The following DENND1A variants were observed in gnomAD, a reference collection of about 807,000 sequenced individuals.
DENND1A encodes the protein DENN domain containing 1A, also known as DENN domain-containing protein 1A.
Under a neutral mutation model 113.7 loss-of-function variants are expected in DENND1A, and 51 were observed. That is an observed-to-expected ratio of 0.45 (90% CI 0.36 to 0.57). DENND1A has a LOEUF of 0.57. Ranked by LOEUF, DENND1A falls within the 20% of genes least tolerant of loss-of-function variation. DENND1A has a pLI of 0.00. For missense variants in DENND1A, 1,258 were observed against 1,395.9 expected (o/e 0.90, Z 1.57); for synonymous variants, 565 against 570.8 (o/e 0.99, Z 0.14).
chr9:123,450,675 A>G lies in DENND1A; in HGVS notation c.1356+18T>C. Reference sequence around the variant, plus strand: ...TCATACATGGTGCTTATACATTTTGAATAAGAACTTCAAGTACCTTTTGCT... The same window carrying G: ...TCATACATGGTGCTTATACATTTTGGATAAGAACTTCAAGTACCTTTTGCT... On this transcript the variant is annotated intron_variant, in intron 18 of 23. Coordinates refer to ENST00000394215, the MANE Select transcript of DENND1A (RefSeq NM_001352964.2). 6.2e-7 allele frequency: 1 copy of G among 1,606,606 alleles called. No individual in the cohort carries two copies. The highest frequency in any genetic ancestry group is 8.5e-7 in the Non-Finnish European group (1 of 1,176,310).
At chr9:123,495,947 C>T (rs1219121611) in intron 13 of DENND1A, among the ~76,000 whole-genome samples, 2 of 152,232 alleles carry the variant, frequency 1.3e-5, no homozygotes, top group African/African-American at 2.4e-5. Flanking sequence ...TAATGAAATG[C>T]AATCCACTCA....
intron 1 of DENND1A, among the ~76,000 whole-genome samples, chr9:123,901,622 A>G (rs960982873): frequency 2.6e-5 from 4 of 152,132 alleles, no homozygotes; most frequent in African/African-American, 9.7e-5. Context: ...CTTTCTCTCA[A>G]TCACCCAGGC....
chr9:123,720,064 T>A (rs1204166168), intron 5 of DENND1A, among the ~76,000 whole-genome samples: 1 of 152,186 alleles, frequency 6.6e-6, no homozygotes, highest in Non-Finnish European at 1.5e-5. Context: ...TGATTTAATT[T>A]CCATACTGAA....
chr9:123,461,255 A>G (rs1251689418), intron 13 of DENND1A, among the ~76,000 whole-genome samples: 1 of 152,104 alleles, frequency 6.6e-6, no homozygotes, highest in Admixed American at 6.5e-5. Flanking sequence ...GGGTGCTGGG[A>G]TAGTCTTCAC....
chr9:123,422,015 C>T lies in DENND1A; in HGVS notation c.1489-10186G>A, dbSNP rs1485311824. ...CACCCACCTGATGGATCCCTGCATC[C>T]CTCACGACTCTGTTCCCTTCCCCCA... On this transcript the variant is annotated intron_variant, in intron 19 of 23. Coordinates refer to ENST00000394215, the MANE Select transcript of DENND1A (RefSeq NM_001352964.2). The surrounding 1 kb of genome is among the most constrained non-coding windows in gnomAD (Gnocchi z 4.8). 6.6e-6 allele frequency among the ~76,000 whole-genome samples: 1 copy of T among 152,172 alleles called. No individual in the cohort carries two copies. The highest frequency in any genetic ancestry group is 2.4e-5 in the African/African-American group (1 of 41,438).
At chr9:123,602,303 T>C (rs772686087) in intron 11 of DENND1A, among the ~76,000 whole-genome samples, 2 of 152,242 alleles carry the variant, frequency 1.3e-5, no homozygotes, top group Non-Finnish European at 2.9e-5. Context: ...TATACAACAA[T>C]TATACAAATA....
At chr9:123,676,861 G>A in intron 5 of DENND1A, 72 bp from the exon 6 acceptor site, 1 of 1,392,724 alleles carries the variant, frequency 7.2e-7, no homozygotes, top group Non-Finnish European at 1.0e-6. Context: ...TCTAATTCAA[G>A]ACTGATACAT....
intron 13 of DENND1A, among the ~76,000 whole-genome samples, chr9:123,508,530 A>C (rs2053167553): frequency 6.6e-6 from 1 of 152,210 alleles, no homozygotes; most frequent in Admixed American, 6.5e-5. Flanking sequence ...ATTTTCTTGT[A>C]ATTGTGCCAT....
chr9:123,622,944 G>A (rs937352998), intron 10 of DENND1A, among the ~76,000 whole-genome samples: 4 of 152,108 alleles, frequency 2.6e-5, no homozygotes, highest in Non-Finnish European at 5.9e-5. Flanking sequence ...GAACATTCTC[G>A]TTTTCACTTT....
chr9:123,459,242 A>G (rs900861162), intron 13 of DENND1A, among the ~76,000 whole-genome samples: 1 of 152,190 alleles, frequency 6.6e-6, no homozygotes, highest in Non-Finnish European at 1.5e-5. Context: ...GCTGCTCTGG[A>G]GGACCTGGGG....
intron 1 of DENND1A, among the ~76,000 whole-genome samples, chr9:123,881,412 GAGCATC>G (rs1848299458): frequency 6.6e-6 from 1 of 152,172 alleles, no homozygotes; most frequent in Non-Finnish European, 1.5e-5. Flanking sequence ...ATAATCTGAA[GAGCATC>G]AGGAAGATTC....
At chr9:123,789,599 TC>T (rs1372734386) in intron 3 of DENND1A, among the ~76,000 whole-genome samples, 1 of 152,102 alleles carries the variant, frequency 6.6e-6, no homozygotes, top group Non-Finnish European at 1.5e-5. Context: ...TGGATTATCA[TC>T]CCACGCAGAC....
intron 5 of DENND1A, among the ~76,000 whole-genome samples, chr9:123,756,167 G>A (rs897830285): frequency 3.3e-5 from 5 of 151,934 alleles, no homozygotes; most frequent in South Asian, 4.2e-4. Flanking sequence ...CCACCTCAGC[G>A]TCCCAAAGTG....
intron 4 of DENND1A, among the ~76,000 whole-genome samples, chr9:123,759,979 A>C (rs973622108): frequency 6.6e-6 from 1 of 152,326 alleles, no homozygotes; most frequent in East Asian, 1.9e-4. Flanking sequence ...AAAAAGAAGA[A>C]AAGAGTTTTT....
At chr9:123,890,236 C>A (rs958028520) in intron 1 of DENND1A, among the ~76,000 whole-genome samples, 1 of 152,162 alleles carries the variant, frequency 6.6e-6, no homozygotes, top group Non-Finnish European at 1.5e-5. Context: ...TTCCACCACA[C>A]CACGTTGCCT....
intron 2 of DENND1A, among the ~76,000 whole-genome samples, chr9:123,804,481 C>A (rs1179815600): frequency 6.6e-6 from 1 of 152,194 alleles, no homozygotes; most frequent in Non-Finnish European, 1.5e-5. Context: ...TATTGAAGAG[C>A]TCCAGAACTC....
chr9:123,395,408 G>C (rs1473521235), intron 21 of DENND1A, among the ~76,000 whole-genome samples: 1 of 151,640 alleles, frequency 6.6e-6, no homozygotes, highest in Non-Finnish European at 1.5e-5. Context: ...TTAGGCTCAG[G>C]CTCCACGGCT....
chr9:123,814,506 C>G (rs1224704270), intron 2 of DENND1A, among the ~76,000 whole-genome samples: 1 of 152,084 alleles, frequency 6.6e-6, no homozygotes, highest in East Asian at 1.9e-4. Flanking sequence ...AAAAGGTACT[C>G]TTTGGTTCAA....
At chr9:123,744,006 G>A (rs1210191626) in intron 5 of DENND1A, among the ~76,000 whole-genome samples, 6 of 152,044 alleles carry the variant, frequency 3.9e-5, no homozygotes, top group Non-Finnish European at 5.9e-5. Context: ...AAGTACTGCC[G>A]TTTGTGGCAT....
Sources: gnomAD v4.1 joint callset for allele counts (sites outside exome capture counted in the v4.1 genomes callset) on GRCh38, gnomAD v4.1.1 for gene constraint, Gnocchi (gnomAD v3.1) non-coding constraint, MANE v1.5 for transcripts, NCBI Gene and HGNC (gene_info 2026-07-23, HGNC 2026-07-21) for gene names.